Variants in TBC1D9 observed in about 807,000 individuals in gnomAD.
The protein encoded by TBC1D9 is TBC1 domain family member 9A.
In TBC1D9, 63 loss-of-function variants were observed where a neutral mutation model predicts 132.0. The observed-to-expected ratio is 0.48, with a 90% confidence interval of 0.39 to 0.59. TBC1D9 has a LOEUF of 0.59. TBC1D9 is among the 20% of genes least tolerant of loss of function. The pLI is 0.00. For synonymous variants in TBC1D9, 610 were observed against 609.9 expected, an observed-to-expected ratio of 1.00 and a Z score of 0.00; for missense variants, 1,261 against 1,592.7, an observed-to-expected ratio of 0.79 and a Z score of 3.54.
At chr4:140,644,941 G>A in intron 13 of TBC1D9, 1 of 453,930 alleles carries the variant, frequency 2.2e-6, no homozygotes, top group East Asian at 6.0e-5. Flanking sequence ...ATGCCCTAGT[G>A]CAGAGATGGA....
intron 13 of TBC1D9, chr4:140,643,219 C>T (rs1257066689): frequency 2.9e-5 from 40 of 1,360,654 alleles, no homozygotes; most frequent in African/African-American, 4.3e-5. Context: ...CGCTCCGCAC[C>T]TCCCACCTTC....
At chr4:140,718,789 T>C (rs1049759710) in intron 1 of TBC1D9, among the ~76,000 whole-genome samples, 1 of 152,066 alleles carries the variant, frequency 6.6e-6, no homozygotes, top group African/African-American at 2.4e-5. Context: ...TCAGAGAAAG[T>C]GGATTCAGTC....
intron 1 of TBC1D9, among the ~76,000 whole-genome samples, chr4:140,716,773 G>A (rs1738340102): frequency 6.6e-6 from 1 of 151,882 alleles, no homozygotes; most frequent in Non-Finnish European, 1.5e-5. Flanking sequence ...TTAAAGTAAT[G>A]AAGAACTTAC....
chr4:140,704,348 C>T (rs946590504), intron 1 of TBC1D9, among the ~76,000 whole-genome samples: 4 of 150,080 alleles, frequency 2.7e-5, no homozygotes, highest in Non-Finnish European at 5.9e-5. Flanking sequence ...TTGCAGTGAG[C>T]TGAGATCATG....
intron 1 of TBC1D9, among the ~76,000 whole-genome samples, chr4:140,704,447 A>AG (rs1738120183): frequency 6.6e-6 from 1 of 151,770 alleles, no homozygotes; most frequent in Admixed American, 6.6e-5. Flanking sequence ...AAAAAAAAAA[A>AG]AAAAGAAAAG....
intron 15 of TBC1D9, among the ~76,000 whole-genome samples, 173 bp from the exon 16 acceptor site, chr4:140,634,361 A>T (rs6835214): frequency 0.24 from 36,077 of 151,956 alleles, 5,931 homozygotes; most frequent in African/African-American, 0.47. Context: ...CCTCCACTTG[A>T]CCAGCCCTTC....
chr4:140,726,376 A>G (rs916483159), intron 1 of TBC1D9, among the ~76,000 whole-genome samples: 1 of 152,204 alleles, frequency 6.6e-6, no homozygotes, highest in African/African-American at 2.4e-5. Context: ...TAAATTATTA[A>G]CCTCAAGAAT....
chr4:140,736,330 C>A (rs1263056484), intron 1 of TBC1D9, among the ~76,000 whole-genome samples: 1 of 152,018 alleles, frequency 6.6e-6, no homozygotes, highest in Non-Finnish European at 1.5e-5. Flanking sequence ...CACTTGAGGT[C>A]AGGAGTTTGA....
intron 1 of TBC1D9, among the ~76,000 whole-genome samples, chr4:140,708,948 A>G (rs1268674122): frequency 6.6e-6 from 1 of 152,086 alleles, no homozygotes; most frequent in Admixed American, 6.5e-5. Context: ...TAGACATGTA[A>G]CCAATCCCAA....
intron 16 of TBC1D9, among the ~76,000 whole-genome samples, chr4:140,631,425 G>A (rs941744227): frequency 6.6e-6 from 1 of 152,032 alleles, no homozygotes; most frequent in Non-Finnish European, 1.5e-5. Context: ...GTTTCACCGT[G>A]TTAGCCAGGA....
At position 140,701,630 on chromosome 4, in the gene TBC1D9, G is replaced by A. The variant is rs1326544850; in HGVS notation, c.131-16C>T. ...ACCAGCAGGCCTGAGGGTGGAAAGT[G>A]GGGAGAAACAGGTAAGAATTGCCTT... On this transcript the variant is annotated splice_polypyrimidine_tract_variant and intron_variant, in intron 1 of 20. Transcript: ENST00000442267. The A allele has an allele frequency of 6.2e-7, 1 of 1,602,456 alleles. No individual in the cohort carries two copies. Among genetic ancestry groups the A allele is most frequent in the East Asian group, 2.2e-5 (1 of 44,774 alleles).
chr4:140,689,081 G>T (rs762487917), intron 2 of TBC1D9, among the ~76,000 whole-genome samples: 5 of 152,008 alleles, frequency 3.3e-5, no homozygotes, highest in Non-Finnish European at 7.4e-5. Context: ...AGGTACTCCT[G>T]GGAACCACAG....
intron 3 of TBC1D9, among the ~76,000 whole-genome samples, chr4:140,683,098 G>A (rs568166125): frequency 4.6e-4 from 70 of 152,062 alleles, no homozygotes; most frequent in Non-Finnish European, 7.4e-4. Context: ...GGCTGGTCTC[G>A]AACTCCTGAC....
chr4:140,626,540 C>G (rs1219930245), intron 18 of TBC1D9, among the ~76,000 whole-genome samples: 1 of 152,032 alleles, frequency 6.6e-6, no homozygotes, highest in Admixed American at 6.6e-5. Flanking sequence ...GCAAAAGAAC[C>G]CAGGAGAAAC....
intron 13 of TBC1D9, among the ~76,000 whole-genome samples, chr4:140,641,014 A>G (rs1384498768): frequency 1.3e-5 from 2 of 150,276 alleles, no homozygotes; most frequent in Non-Finnish European, 3.0e-5. Flanking sequence ...AAGAAATGGC[A>G]ATATCATCAC....
chr4:140,695,664 A>C (rs2046626), intron 2 of TBC1D9, among the ~76,000 whole-genome samples: 2 of 152,010 alleles, frequency 1.3e-5, no homozygotes, highest in East Asian at 3.9e-4. Flanking sequence ...AACCCTTCTT[A>C]CTGTTAGAAC....
intron 9 of TBC1D9, among the ~76,000 whole-genome samples, chr4:140,663,293 T>G (rs1038587006): frequency 6.6e-6 from 1 of 152,172 alleles, no homozygotes; most frequent in Non-Finnish European, 1.5e-5. Context: ...TATTTAAAGG[T>G]GCTCAACATC....
At position 140,755,911 on chromosome 4, in the gene TBC1D9, C is replaced by CT; in HGVS notation, c.130+4dup. On this transcript the variant is annotated splice_donor_region_variant and intron_variant, in intron 1 of 20. Coordinates refer to ENST00000442267, the MANE Select transcript of TBC1D9 (RefSeq NM_015130.3). ...CCTCCTGCAGGGATCGGCCACGGTC[C>CT]TTACCCGCCAGTCCGCCGCCGCCGC... is the stretch of plus-strand genomic sequence containing the variant. The CT allele has an allele frequency of 6.4e-7, 1 of 1,552,152 alleles. No homozygotes were observed. The highest frequency in any genetic ancestry group is 1.2e-5 in the South Asian group (1 of 84,606).
At chr4:140,639,487 TCTGCAG>T in intron 13 of TBC1D9, 59 bp from the exon 14 acceptor site, 5 of 1,209,710 alleles carry the variant, frequency 4.1e-6, no homozygotes, top group East Asian at 2.5e-5. Context: ...CAATGTCCTG[TCTGCAG>T]AATGCCTGCA....
Sources: gnomAD v4.1 joint callset for allele counts (sites outside exome capture counted in the v4.1 genomes callset) on GRCh38, gnomAD v4.1.1 for gene constraint, MANE v1.5 for transcripts, NCBI Gene and HGNC (gene_info 2026-07-23, HGNC 2026-07-21) for gene names.